SEM1: variants seen among roughly 807,000 people sequenced by gnomAD.
SEM1 encodes SEM1 26S proteasome subunit.
A neutral mutation model predicts 12.7 loss-of-function variants in SEM1; 3 were observed. That is an observed-to-expected ratio of 0.24 (90% CI 0.11 to 0.61). The LOEUF (loss-of-function observed/expected upper bound fraction) is 0.61. Ranked by LOEUF, SEM1 falls within the 20% of genes least tolerant of loss-of-function variation. SEM1 has a pLI of 0.88. For missense variants in SEM1, 59 were observed against 81.3 expected, an observed-to-expected ratio of 0.73 and a Z score of 1.06; for synonymous variants, 30 against 27.8, an observed-to-expected ratio of 1.08 and a Z score of -0.25.
chr7:96,695,414 G>A (rs956074665), intron 1 of SEM1: 1 of 151,890 alleles, frequency 6.6e-6, no homozygotes, highest in African/African-American at 2.4e-5. Context: ...GAAGAATATT[G>A]TAGTTTTTAG....
intron 2 of SEM1, among the ~76,000 whole-genome samples, chr7:96,591,891 C>G (rs1806841247): frequency 6.6e-6 from 1 of 151,186 alleles, no homozygotes; most frequent in East Asian, 2.0e-4. Context: ...GTATTTCCTG[C>G]TCATGTGTTG....
At position 96,551,719 on chromosome 7, in the gene SEM1, A is replaced by G. The variant is rs1032981506; in HGVS notation, c.171-45021T>C. 3.7e-3 allele frequency among the ~76,000 whole-genome samples: 354 copies of G among 95,828 alleles called. 3 individuals are homozygous for G. Among genetic ancestry groups the G allele is most frequent in the Non-Finnish European group, 7.6e-3 (290 of 38,228 alleles). 62.9% of individuals were successfully genotyped at this position (95,828 alleles called of 152,430 possible). ...AGACTCTGTCTCAAAAAAAAAAAAA[A>G]AAAAGAAAAGAAAAAAAAGAATTAC... On this transcript the variant is annotated intron_variant and NMD_transcript_variant, in intron 2 of 3. Coordinates refer to the SEM1 transcript ENST00000466986.
intron 2 of SEM1, among the ~76,000 whole-genome samples, chr7:96,650,793 TAGAC>T (rs1284723532): frequency 9.9e-5 from 15 of 152,196 alleles, no homozygotes; most frequent in African/African-American, 3.6e-4. Flanking sequence ...TAAATATCTT[TAGAC>T]AGTGACCTTT....
In SEM1 at chr7:96,594,374, C is replaced by T. The variant is rs546711804; in HGVS notation, c.171-87676G>A. On this transcript the variant is annotated intron_variant and NMD_transcript_variant, in intron 2 of 3. Coordinates refer to the SEM1 transcript ENST00000466986. ...CACTCTATTCCCCATCCCACATCCT[C>T]TGAGGATTCTGGGAATATGAAAACC... is the stretch of plus-strand genomic sequence containing the variant. 2.0e-5 allele frequency among the ~76,000 whole-genome samples: 3 copies of T among 152,068 alleles called. No individual in the cohort carries two copies. The East Asian group carries it at 5.8e-4, about 29-fold the overall frequency.
intron 2 of SEM1, among the ~76,000 whole-genome samples, chr7:96,680,329 A>G (rs1358425736): frequency 6.6e-6 from 1 of 152,078 alleles, no homozygotes; most frequent in Non-Finnish European, 1.5e-5. Context: ...AACCCACAGT[A>G]AGACAAGGGG....
chr7:96,594,410 TA>T (rs57715610), intron 2 of SEM1, among the ~76,000 whole-genome samples: 21 of 150,984 alleles, frequency 1.4e-4, no homozygotes, highest in Non-Finnish European at 2.2e-4. Context: ...CCCCCACCAT[TA>T]AAAAAAAATT....
chr7:96,507,004 A>T (rs967103784), intron 2 of SEM1, among the ~76,000 whole-genome samples: 1 of 152,090 alleles, frequency 6.6e-6, no homozygotes, highest in Non-Finnish European at 1.5e-5. Context: ...AAATGAGATC[A>T]GGGAATGGTG....
intron 1 of SEM1, among the ~76,000 whole-genome samples, chr7:96,495,678 C>T (rs1803213965): frequency 6.6e-6 from 1 of 152,104 alleles, no homozygotes; most frequent in Admixed American, 6.6e-5. Context: ...TTCCAGTTTC[C>T]GCGATCTTCC....
chr7:96,485,115 T>A (rs1802700412), intron 2 of SEM1, among the ~76,000 whole-genome samples: 1 of 152,168 alleles, frequency 6.6e-6, no homozygotes, highest in Non-Finnish European at 1.5e-5. Context: ...GTTTTGCCAG[T>A]TTTGAACATT....
At chr7:96,498,398 C>T (rs1052881350), upstream of SEM1, among the ~76,000 whole-genome samples, 3 of 152,084 alleles carry the variant, frequency 2.0e-5, no homozygotes, top group African/African-American at 4.8e-5. Context: ...TGCACACACA[C>T]GCATGTGTGC....
At chr7:96,691,892 T>A (rs1789941866) in intron 2 of SEM1, among the ~76,000 whole-genome samples, 1 of 152,170 alleles carries the variant, frequency 6.6e-6, no homozygotes, top group South Asian at 2.1e-4. Context: ...TTGACACCAC[T>A]GGCAATGTGG....
chr7:96,577,374 A>G (rs1806240758), intron 2 of SEM1, among the ~76,000 whole-genome samples: 1 of 152,108 alleles, frequency 6.6e-6, no homozygotes, highest in Non-Finnish European at 1.5e-5. Context: ...TGAACCAAAA[A>G]CCTTGCAAAG....
At chr7:96,602,420 C>T in intron 2 of SEM1, among the ~76,000 whole-genome samples, 1 of 152,276 alleles carries the variant, frequency 6.6e-6, no homozygotes, top group East Asian at 1.9e-4. Context: ...TGTACTACCT[C>T]CACCCTCCCT....
intron 2 of SEM1, among the ~76,000 whole-genome samples, chr7:96,625,393 C>CA (rs1161121975): frequency 6.6e-6 from 1 of 152,084 alleles, no homozygotes; most frequent in African/African-American, 2.4e-5. Context: ...AGAACTACAA[C>CA]AAAAACTTAA....
chr7:96,573,426 A>G (rs1204433428), intron 2 of SEM1, among the ~76,000 whole-genome samples: 1 of 152,130 alleles, frequency 6.6e-6, no homozygotes, highest in East Asian at 1.9e-4. Flanking sequence ...TTCCATATTT[A>G]GTGCTTCCTT....
chr7:96,567,278 A>T (rs1185348740), intron 2 of SEM1, among the ~76,000 whole-genome samples: 3 of 151,444 alleles, frequency 2.0e-5, no homozygotes, highest in Non-Finnish European at 4.4e-5. Context: ...TGTCTTGAAC[A>T]TTTCTTAAAT....
chr7:96,534,301 G>A (rs767962403), intron 2 of SEM1, among the ~76,000 whole-genome samples: 5 of 152,064 alleles, frequency 3.3e-5, no homozygotes, highest in African/African-American at 9.7e-5. Context: ...GAGCTTGACA[G>A]CTTCCCCGAT....
intron 2 of SEM1, among the ~76,000 whole-genome samples, chr7:96,592,754 G>C (rs990840698): frequency 1.3e-5 from 2 of 151,948 alleles, no homozygotes; most frequent in African/African-American, 4.8e-5. Context: ...CCTCTGAGGA[G>C]AAAAGGATTG....
chr7:96,706,471 A>G, intron 1 of SEM1: 1 of 150,808 alleles, frequency 6.6e-6, no homozygotes, highest in Non-Finnish European at 1.5e-5. Flanking sequence ...CTGAGGCAGG[A>G]GAATCGCTTG....
Sources: gnomAD v4.1 joint callset for allele counts (sites outside exome capture counted in the v4.1 genomes callset) on GRCh38, gnomAD v4.1.1 for gene constraint, MANE v1.5 for transcripts, NCBI Gene and HGNC (gene_info 2026-07-23, HGNC 2026-07-21) for gene names.